The following TBC1D24 variants were observed in gnomAD, a reference collection of about 807,000 sequenced individuals.
The protein encoded by TBC1D24 is Infantile myoclonic epilepsy.
TBC1D24 carries 47 observed loss-of-function variants against 50.7 expected under a neutral mutation model. The observed-to-expected ratio is 0.93, with a 90% CI of 0.73 to 1.18. TBC1D24 has a LOEUF of 1.18. Ranked by LOEUF, TBC1D24 falls within the 50% of genes most tolerant of loss-of-function variation. The pLI is 0.00. For synonymous variants in TBC1D24, 324 were observed against 335.2 expected (o/e 0.97, Z 0.36); for missense variants, 688 against 766.5 (o/e 0.90, Z 1.21).
intron 1 of TBC1D24, among the ~76,000 whole-genome samples, chr16:2,476,167 G>A (rs975671993): frequency 1.3e-5 from 2 of 152,232 alleles, no homozygotes; most frequent in African/African-American, 4.8e-5. Context: ...CAGGCAGTGT[G>A]CAGAAGGAAC....
chr16:2,498,493 G>A (rs72768730), intron 4 of TBC1D24, 97 bp downstream of exon 4: 99 of 1,200,334 alleles, frequency 8.2e-5, no homozygotes, highest in Non-Finnish European at 9.7e-5. Context: ...GGCACCTGGT[G>A]AGGCCCTGCT....
In TBC1D24 at chr16:2,475,932, G is replaced by T. The variant is rs2065564667; in HGVS notation, c.-116+762G>T. 6.6e-6 allele frequency among the ~76,000 whole-genome samples: 1 copy of T among 152,252 alleles called. No homozygotes were observed. The highest frequency in any genetic ancestry group is 2.4e-5 in the African/African-American group (1 of 41,470). The stretch of plus-strand genomic sequence containing the variant: ...GGCCCCCGGGTTACTGCTTGCGGGG[G>T]TGATATTAAAGGTCAAAGGTTGTCT... On this transcript the variant is annotated intron_variant, in intron 1 of 7. Transcript: ENST00000646147. The surrounding 1 kb of genome is among the most constrained non-coding windows in gnomAD (Gnocchi z 4.2).
intron 2 of TBC1D24, 32 bp downstream of exon 2, chr16:2,497,145 C>T (rs776651851): frequency 4.4e-6 from 7 of 1,598,652 alleles, no homozygotes; most frequent in African/African-American, 1.3e-5. Context: ...AGGGGTACAC[C>T]CAGGGTCGGG....
intron 1 of TBC1D24, among the ~76,000 whole-genome samples, chr16:2,489,161 A>G (rs1039803204): frequency 5.0e-5 from 7 of 139,634 alleles, no homozygotes; most frequent in Admixed American, 1.4e-4. Context: ...GCATGGCCCA[A>G]TGGCTCACGC....
chr16:2,500,209 TG>T lies in TBC1D24; in HGVS notation c.1303-55del. 6.9e-7 allele frequency: 1 copy of T among 1,458,260 alleles called. No homozygotes were observed. Among genetic ancestry groups the T allele is most frequent in the Non-Finnish European group, 9.4e-7 (1 of 1,063,336 alleles). The allele number at this position is 1,458,260 out of a possible 1,614,324, so 90.3% of individuals were successfully genotyped here. ...CACGGGATGAAACGGGTTGTGGCTC[TG>T]GGGCAGAGGGGCCTGCGAACGCCCG... On this transcript the variant is annotated intron_variant, in intron 6 of 7. Transcript: ENST00000646147. This position sits in a 1 kb window ranked among gnomAD's most constrained non-coding sequence, Gnocchi z 8.0.
At chr16:2,498,107 C>G (rs1379038619) in intron 3 of TBC1D24, 131 bp from the exon 4 acceptor site, 8 of 1,247,564 alleles carry the variant, frequency 6.4e-6, no homozygotes, top group Admixed American at 2.1e-5. Context: ...CGGCCCTAAA[C>G]CGGGGCCGGG....
chr16:2,500,760 G>C lies in TBC1D24; in HGVS notation c.1526-44G>C. 1 of 1,575,386 alleles carries C rather than the reference G, an allele frequency of 6.3e-7. No individual in the cohort carries two copies. The highest frequency in any genetic ancestry group is 8.6e-7 in the Non-Finnish European group (1 of 1,167,032). ...CAGCAGGTGAGGTGCCTGGGTCAGT[G>C]CTGATAGGGCAGTCAGGCCGCCACT... On this transcript the variant is annotated intron_variant, in intron 7 of 7. Coordinates refer to ENST00000646147, the MANE Select transcript of TBC1D24 (RefSeq NM_001199107.2). The surrounding 1 kb of genome is among the most constrained non-coding windows in gnomAD (Gnocchi z 8.0).
intron 1 of TBC1D24, among the ~76,000 whole-genome samples, chr16:2,490,671 GT>G (rs1047822964): frequency 1.2e-4 from 18 of 152,336 alleles, no homozygotes; most frequent in Admixed American, 4.6e-4. Context: ...GGAGTTGGGT[GT>G]TATTATCGGC....
At position 2,497,151 on chromosome 16, in the gene TBC1D24, T is replaced by G. The variant is rs571500991; in HGVS notation, c.965+38T>G. 6.3e-7 allele frequency: 1 copy of G among 1,598,028 alleles called. No individual in the cohort carries two copies. The highest frequency in any genetic ancestry group is 1.1e-5 in the South Asian group (1 of 90,878). On this transcript the variant is annotated intron_variant, in intron 2 of 7. Transcript: ENST00000646147. Reference sequence around the variant, plus strand: ...CAGCCTGTGAGGGGTACACCCAGGGTCGGGGGCTGGGGCAGGACGTGTCTG... The same window carrying G: ...CAGCCTGTGAGGGGTACACCCAGGGGCGGGGGCTGGGGCAGGACGTGTCTG...
At chr16:2,498,173 C>T in intron 3 of TBC1D24, 65 bp from the exon 4 acceptor site, 1 of 1,541,404 alleles carries the variant, frequency 6.5e-7, no homozygotes, top group East Asian at 2.4e-5. Context: ...CTGGGGCATA[C>T]CTCGGGGGGC....
chr16:2,480,764 G>C (rs1255578577), intron 1 of TBC1D24: 1 of 152,248 alleles, frequency 6.6e-6, no homozygotes, highest in African/African-American at 2.4e-5. Context: ...TGTGGCCTTA[G>C]GATCGAGGTG....
chr16:2,499,209 C>A lies in TBC1D24; in HGVS notation c.1143-148C>A. The A allele has an allele frequency of 1.3e-6, 1 of 745,880 alleles. No individual in the cohort carries two copies. Among genetic ancestry groups the A allele is most frequent in the Non-Finnish European group, 2.4e-6 (1 of 422,360 alleles). 46.2% of individuals were successfully genotyped at this position (745,880 alleles called of 1,614,324 possible). ...GCAGAGAAGGGCCAGGTGAGAAGAA[C>A]ACCTGGGTGAGGGTGTTGTCGGGAC... is the stretch of plus-strand genomic sequence containing the variant. On this transcript the variant is annotated intron_variant, in intron 4 of 7. Coordinates refer to ENST00000646147, the MANE Select transcript of TBC1D24 (RefSeq NM_001199107.2). This position sits in a 1 kb window ranked among gnomAD's most constrained non-coding sequence, Gnocchi z 4.0.
At chr16:2,498,434 C>G in intron 4 of TBC1D24, 38 bp downstream of exon 4, 1 of 1,568,350 alleles carries the variant, frequency 6.4e-7, no homozygotes, top group Non-Finnish European at 8.6e-7. Flanking sequence ...GGCAGAGCCG[C>G]CCAGCCACGT....
chr16:2,493,626 A>T (rs2065714361), intron 1 of TBC1D24: 1 of 152,228 alleles, frequency 6.6e-6, no homozygotes. Flanking sequence ...GAGAAACCGG[A>T]GTGGTCTGGT....
intron 1 of TBC1D24, among the ~76,000 whole-genome samples, chr16:2,495,528 C>T (rs2141869872): frequency 6.6e-6 from 1 of 151,960 alleles, no homozygotes; most frequent in East Asian, 1.9e-4. Flanking sequence ...CGTCTGTAAT[C>T]CCACACTTTG....
At chr16:2,494,543 C>A (rs1039848599) in intron 1 of TBC1D24, among the ~76,000 whole-genome samples, 2 of 152,026 alleles carry the variant, frequency 1.3e-5, no homozygotes, top group Admixed American at 1.3e-4. Flanking sequence ...GGACCATGCT[C>A]GAGTGGAAAG....
rs1483494707 is a variant in TBC1D24, at chr16:2,487,376, G to A, written c.-115-8658G>A. 6.6e-6 allele frequency among the ~76,000 whole-genome samples: 1 copy of A among 152,234 alleles called. No individual in the cohort carries two copies. Among genetic ancestry groups the A allele is most frequent in the Non-Finnish European group, 1.5e-5 (1 of 68,040 alleles). Reference sequence around the variant, plus strand: ...CCGCGGTCGTATGCTGCCTCCTCACGTTTGCTGTGACCTGGGACAGGAGCG... The same window carrying A: ...CCGCGGTCGTATGCTGCCTCCTCACATTTGCTGTGACCTGGGACAGGAGCG... On this transcript the variant is annotated intron_variant, in intron 1 of 7. Coordinates refer to ENST00000646147, the MANE Select transcript of TBC1D24 (RefSeq NM_001199107.2). The surrounding 1 kb of genome is among the most constrained non-coding windows in gnomAD (Gnocchi z 4.1).
chr16:2,489,901 C>G (rs991270245), intron 1 of TBC1D24, among the ~76,000 whole-genome samples: 1 of 152,232 alleles, frequency 6.6e-6, no homozygotes, highest in Non-Finnish European at 1.5e-5. Context: ...CCATCCCTTG[C>G]CAGTTTCCCA....
At chr16:2,497,656 C>G (rs2065755176) in intron 2 of TBC1D24, 54 bp from the exon 3 acceptor site, 1 of 1,524,832 alleles carries the variant, frequency 6.6e-7, no homozygotes, top group East Asian at 2.4e-5. Context: ...ACTAACCTCT[C>G]TTTGTCTGTT....
Sources: gnomAD v4.1 joint callset for allele counts (sites outside exome capture counted in the v4.1 genomes callset) on GRCh38, gnomAD v4.1.1 for gene constraint, Gnocchi (gnomAD v3.1) non-coding constraint, MANE v1.5 for transcripts, NCBI Gene and HGNC (gene_info 2026-07-23, HGNC 2026-07-21) for gene names.